The following GRIK1 variants were observed in gnomAD, a reference collection of about 807,000 sequenced individuals.
The protein encoded by GRIK1 is glutamate receptor ionotropic, kainate 1.
A neutral mutation model predicts 105.7 loss-of-function variants in GRIK1; 69 were observed. The observed-to-expected ratio is 0.65, with a 90% confidence interval of 0.54 to 0.80. GRIK1 has a LOEUF of 0.80. GRIK1 is among the 30% of genes least tolerant of loss of function. GRIK1 has a pLI of 0.00. For missense variants in GRIK1, 1,109 were observed against 1,167.3 expected, an observed-to-expected ratio of 0.95 and a Z score of 0.73; for synonymous variants, 438 against 431.3, an observed-to-expected ratio of 1.02 and a Z score of -0.19.
chr21:29,686,936 T>A (rs572415921), intron 3 of GRIK1, among the ~76,000 whole-genome samples: 1 of 152,268 alleles, frequency 6.6e-6, no homozygotes, highest in Non-Finnish European at 1.5e-5. Flanking sequence ...GGGCAGCAAT[T>A]TCTCATTGCC....
intron 1 of GRIK1, among the ~76,000 whole-genome samples, chr21:29,780,548 G>A (rs185321026): frequency 5.5e-4 from 84 of 152,238 alleles, no homozygotes; most frequent in Non-Finnish European, 3.8e-4. Context: ...CTGAAGTAGC[G>A]GAGAATTTGC....
intron 1 of GRIK1, among the ~76,000 whole-genome samples, chr21:29,880,158 A>G (rs1195897424): frequency 1.3e-5 from 2 of 152,106 alleles, no homozygotes; most frequent in African/African-American, 4.8e-5. Context: ...GAGGTGCTAA[A>G]CACAAAAAAA....
At position 29,689,733 on chromosome 21, in the gene GRIK1, C is replaced by A. The variant is rs1568977666; in HGVS notation, c.539G>T (p.Ser180Ile). The A allele has an allele frequency of 1.2e-6, 2 of 1,613,706 alleles. No homozygotes were observed. Among genetic ancestry groups the A allele is most frequent in the Non-Finnish European group, 1.7e-6 (2 of 1,179,636 alleles). ...WKTVTVVYED[S>I]TGLIRLQELI... ...GTCTTGTGTGAGTCCCATACCTGTG[C>A]TGTCTTCATACACCACTGTCACTGT... is the stretch of plus-strand genomic sequence containing the variant. The change falls in exon 3 of 18, where the codon AGC (serine) becomes ATC (isoleucine). Residue 180 changes from serine to isoleucine, a missense_variant. Physicochemically the swap from Ser to Ile is moderately radical, Grantham distance 142. Transcript: ENST00000327783.
chr21:29,667,417 C>T (rs1458671752), intron 4 of GRIK1, among the ~76,000 whole-genome samples: 2 of 151,980 alleles, frequency 1.3e-5, no homozygotes, highest in African/African-American at 4.8e-5. Context: ...TTCTTCTTTG[C>T]CTTGTTTTTA....
intron 7 of GRIK1, among the ~76,000 whole-genome samples, chr21:29,614,308 TA>T (rs1375616631): frequency 7.9e-5 from 12 of 150,954 alleles, no homozygotes; most frequent in African/African-American, 2.4e-4. Flanking sequence ...ATGGCAACAA[TA>T]AACAGTAGTT....
chr21:29,845,453 T>G (rs1273364685), intron 1 of GRIK1, among the ~76,000 whole-genome samples: 1 of 152,198 alleles, frequency 6.6e-6, no homozygotes, highest in African/African-American at 2.4e-5. Context: ...CTGTTAATCC[T>G]GCGTTGGTTA....
chr21:29,724,404 G>C (rs994455328), intron 1 of GRIK1, among the ~76,000 whole-genome samples: 3 of 152,126 alleles, frequency 2.0e-5, no homozygotes, highest in Non-Finnish European at 4.4e-5. Context: ...ATCCACTGAG[G>C]GCTGTTCCTA....
chr21:29,746,365 A>G (rs972244646), intron 1 of GRIK1, among the ~76,000 whole-genome samples: 1 of 152,232 alleles, frequency 6.6e-6, no homozygotes, highest in African/African-American at 2.4e-5. Flanking sequence ...TGGGTAAAAC[A>G]GTGTAAGGGC....
chr21:29,875,368 G>T (rs551159563), intron 1 of GRIK1, among the ~76,000 whole-genome samples: 8 of 152,232 alleles, frequency 5.3e-5, no homozygotes, highest in African/African-American at 1.9e-4. Context: ...GGATATAAGG[G>T]AGAGCTGGAT....
intron 1 of GRIK1, among the ~76,000 whole-genome samples, chr21:29,915,339 T>G (rs2070958784): frequency 6.6e-6 from 1 of 152,022 alleles, no homozygotes; most frequent in Non-Finnish European, 1.5e-5. Context: ...AGATTCACAG[T>G]TGCTCTAAAC....
intron 14 of GRIK1, among the ~76,000 whole-genome samples, chr21:29,568,090 T>C (rs1038706177): frequency 6.6e-6 from 1 of 152,212 alleles, no homozygotes; most frequent in African/African-American, 2.4e-5. Flanking sequence ...GTTTTTCTCC[T>C]GTCTAGAGTT....
intron 14 of GRIK1, among the ~76,000 whole-genome samples, chr21:29,563,787 T>C (rs781649602): frequency 3.0e-4 from 46 of 152,170 alleles, no homozygotes; most frequent in Admixed American, 2.6e-4. Flanking sequence ...AGAGATCGGC[T>C]CATACAAACT....
chr21:29,649,412 G>A (rs764239483), intron 6 of GRIK1, among the ~76,000 whole-genome samples: 8 of 152,094 alleles, frequency 5.3e-5, no homozygotes, highest in Non-Finnish European at 8.8e-5. Flanking sequence ...AATAATAACT[G>A]TAAGAACACA....
intron 1 of GRIK1, among the ~76,000 whole-genome samples, chr21:29,802,572 A>T (rs2066741013): frequency 6.6e-6 from 1 of 152,130 alleles, no homozygotes; most frequent in Non-Finnish European, 1.5e-5. Flanking sequence ...CTCCAAATTG[A>T]TTCACTGTGC....
chr21:29,701,961 TACTTG>T (rs1224708467), intron 1 of GRIK1, among the ~76,000 whole-genome samples: 1 of 152,120 alleles, frequency 6.6e-6, no homozygotes, highest in Non-Finnish European at 1.5e-5. Context: ...ATGCAGGAGG[TACTTG>T]ACTTGGGACA....
chr21:29,612,562 C>G (rs2061752367), intron 7 of GRIK1, among the ~76,000 whole-genome samples: 1 of 152,184 alleles, frequency 6.6e-6, no homozygotes, highest in Non-Finnish European at 1.5e-5. Context: ...GCATTCATTT[C>G]TCACCAACTC....
At position 29,888,161 on chromosome 21, in the gene GRIK1, T is replaced by TTTTC. The variant is rs11436370; in HGVS notation, c.118+51218_118+51221dup. On this transcript the variant is annotated intron_variant, in intron 1 of 17. Coordinates refer to ENST00000327783, the MANE Select transcript of GRIK1 (RefSeq NM_001330994.2). ...TCCCTCCCTCCCTCCCTCCTTTCTT[T>TTTTC]TTTCTTTCTTTCTTTCTTTCTTCCT... 6.9e-4 allele frequency among the ~76,000 whole-genome samples: 5 copies of TTTTC among 7,276 alleles called. 1 individual carries two copies. The highest frequency in any genetic ancestry group is 9.1e-3 in the East Asian group (2 of 220). The allele number at this position is 7,276 out of a possible 152,430, so 4.8% of individuals were successfully genotyped here. A position where few individuals can be genotyped will look rare whatever the true frequency, so the allele number is the denominator to read the frequency against.
chr21:29,753,870 T>C (rs1320086795), intron 1 of GRIK1, among the ~76,000 whole-genome samples: 1 of 152,086 alleles, frequency 6.6e-6, no homozygotes, highest in African/African-American at 2.4e-5. Flanking sequence ...ATAATATATA[T>C]ATAATATATA....
At chr21:29,633,807 A>T (rs1054747890) in intron 7 of GRIK1, among the ~76,000 whole-genome samples, 4 of 152,176 alleles carry the variant, frequency 2.6e-5, no homozygotes, top group Non-Finnish European at 5.9e-5. Flanking sequence ...CTAGCTAGGG[A>T]TGCTGAAGAA....
Sources: gnomAD v4.1 joint callset for allele counts (sites outside exome capture counted in the v4.1 genomes callset) on GRCh38, gnomAD v4.1.1 for gene constraint, MANE v1.5 for transcripts, NCBI Gene and HGNC (gene_info 2026-07-23, HGNC 2026-07-21) for gene names.